RNF2: variants seen among roughly 807,000 people sequenced by gnomAD.
RNF2 encodes E3 ubiquitin-protein ligase RING2.
RNF2 carries 6 observed loss-of-function variants against 37.2 expected under a neutral mutation model. The observed-to-expected ratio is 0.16, with a 90% CI of 0.09 to 0.32. The LOEUF is 0.32. Among genes scored for constraint, RNF2 ranks in the 10% least tolerant of loss-of-function variants. The pLI, the probability that RNF2 is intolerant of heterozygous loss-of-function variation, is 1.00. For missense variants in RNF2, 251 were observed against 404.0 expected, an observed-to-expected ratio of 0.62 and a Z score of 3.25; for synonymous variants, 133 against 132.7, an observed-to-expected ratio of 1.00 and a Z score of -0.02.
intron 2 of RNF2, 74 bp downstream of exon 2, chr1:185,087,714 T>TA: frequency 9.6e-7 from 1 of 1,045,980 alleles, no homozygotes; most frequent in Non-Finnish European, 1.5e-6. Flanking sequence ...CATGAAAACT[T>TA]AAATAGAACA....
In RNF2 at chr1:185,076,268, G is replaced by GTTT. The variant is rs71101959; in HGVS notation, c.-2-11246_-2-11244dup. On this transcript the variant is annotated intron_variant, in intron 1 of 6. Coordinates refer to ENST00000367510, the MANE Select transcript of RNF2 (RefSeq NM_007212.4). ...TTTTCTTCTAGATCTTTTATGGGTT[G>GTTT]TTTTTTTTTTTTTTTTTTTTTTTTT... Among the ~76,000 whole-genome samples the GTTT allele has an allele frequency of 1.1e-3, 30 of 27,340 alleles. 8 individuals are homozygous for GTTT. The highest frequency in any genetic ancestry group is 1.7e-3 in the Non-Finnish European group (23 of 13,182). The allele number at this position is 27,340 out of a possible 152,430, so 17.9% of individuals were successfully genotyped here.
chr1:185,088,694 G>C (rs1219363444), intron 2 of RNF2, among the ~76,000 whole-genome samples: 3 of 152,186 alleles, frequency 2.0e-5, no homozygotes, highest in African/African-American at 4.8e-5. Flanking sequence ...CACATACATG[G>C]GGTTCTGCAT....
At chr1:185,074,602 A>G (rs1651088647) in intron 1 of RNF2, among the ~76,000 whole-genome samples, 2 of 152,054 alleles carry the variant, frequency 1.3e-5, no homozygotes, top group Admixed American at 6.5e-5. Context: ...AAGACCAAAT[A>G]CAAAGAAAAA....
chr1:185,053,699 G>A (rs1650338052), intron 1 of RNF2, among the ~76,000 whole-genome samples: 1 of 152,036 alleles, frequency 6.6e-6, no homozygotes, highest in African/African-American at 2.4e-5. Flanking sequence ...TTACTAGAAG[G>A]CAGGGATTTT....
At chr1:185,077,625 G>GTTTTTTTTTTTGTTT (rs1651209750) in intron 1 of RNF2, among the ~76,000 whole-genome samples, 3 of 115,696 alleles carry the variant, frequency 2.6e-5, no homozygotes, top group African/African-American at 9.8e-5. Context: ...AATTAACTTT[G>GTTTTTTTTTTTGTTT]TTTTTTTTTT....
chr1:185,046,343 G>C (rs1353863057), intron 1 of RNF2: 1 of 152,384 alleles, frequency 6.6e-6, no homozygotes, highest in Non-Finnish European at 1.5e-5. Context: ...GTCTTGGTTA[G>C]TTTCTGCGGG....
chr1:185,077,162 C>A (rs575670728), intron 1 of RNF2, among the ~76,000 whole-genome samples: 27 of 152,022 alleles, frequency 1.8e-4, no homozygotes, highest in Non-Finnish European at 2.8e-4. Flanking sequence ...TATCTTCATT[C>A]CACCATGTTA....
At chr1:185,080,025 A>G (rs1239458710) in intron 1 of RNF2, among the ~76,000 whole-genome samples, 8 of 152,218 alleles carry the variant, frequency 5.3e-5, no homozygotes, top group Non-Finnish European at 1.2e-4. Context: ...TTGTGTTGAC[A>G]AGGATCTTTA....
chr1:185,082,155 G>A (rs1188335987), intron 1 of RNF2, among the ~76,000 whole-genome samples: 2 of 151,942 alleles, frequency 1.3e-5, no homozygotes, highest in Non-Finnish European at 1.5e-5. Context: ...CCCACTTATC[G>A]AGCTTTTTCA....
intron 4 of RNF2, among the ~76,000 whole-genome samples, chr1:185,096,527 A>G (rs983383111): frequency 8.6e-5 from 13 of 151,280 alleles, no homozygotes; most frequent in African/African-American, 2.9e-4. Context: ...GATACCTCAC[A>G]TAAGTGAAAT....
chr1:185,073,235 T>G (rs1651041797), intron 1 of RNF2, among the ~76,000 whole-genome samples: 1 of 152,206 alleles, frequency 6.6e-6, no homozygotes, highest in Admixed American at 6.5e-5. Context: ...ACCATTCTTA[T>G]GCATATGCTT....
chr1:185,064,271 TGGATA>T (rs951391603), intron 1 of RNF2, among the ~76,000 whole-genome samples: 11 of 152,244 alleles, frequency 7.2e-5, no homozygotes. Flanking sequence ...GAATGTAGGT[TGGATA>T]GGATAGGATA....
At chr1:185,056,386 C>T (rs2102155728) in intron 1 of RNF2, among the ~76,000 whole-genome samples, 1 of 150,476 alleles carries the variant, frequency 6.6e-6, no homozygotes, top group African/African-American at 2.4e-5. Flanking sequence ...AGAGACAGGG[C>T]CTCCCTCTGC....
intron 1 of RNF2, among the ~76,000 whole-genome samples, chr1:185,085,481 C>G (rs1014717496): frequency 6.6e-6 from 1 of 151,980 alleles, no homozygotes; most frequent in African/African-American, 2.4e-5. Flanking sequence ...ATTTAGTGCT[C>G]TCTCTAATTC....
chr1:185,092,521 T>C (rs1651799115), intron 3 of RNF2, among the ~76,000 whole-genome samples: 1 of 152,200 alleles, frequency 6.6e-6, no homozygotes, highest in Non-Finnish European at 1.5e-5. Flanking sequence ...TAGAAATCTT[T>C]CTAAAGCCTA....
intron 1 of RNF2, among the ~76,000 whole-genome samples, chr1:185,083,781 ATT>A (rs1258987988): frequency 6.7e-6 from 1 of 149,890 alleles, no homozygotes; most frequent in African/African-American, 2.5e-5. Context: ...AACATTTTGT[ATT>A]TTTTGTAGAG....
At chr1:185,066,422 A>G (rs1031199125) in intron 1 of RNF2, among the ~76,000 whole-genome samples, 1 of 152,168 alleles carries the variant, frequency 6.6e-6, no homozygotes, top group African/African-American at 2.4e-5. Flanking sequence ...TCGCTTGGTT[A>G]ACTTTCACTT....
chr1:185,091,489 G>A (rs1651764030), intron 2 of RNF2, 90 bp from the exon 3 acceptor site: 2 of 1,340,606 alleles, frequency 1.5e-6, no homozygotes, highest in Admixed American at 1.9e-5. Flanking sequence ...ATATATGTTT[G>A]TTTTTACCAT....
intron 1 of RNF2, among the ~76,000 whole-genome samples, chr1:185,062,862 C>T (rs1006744028): frequency 6.6e-6 from 1 of 151,286 alleles, no homozygotes; most frequent in East Asian, 1.9e-4. Context: ...CTGTTTCACT[C>T]ATGATTGAGG....
Sources: allele counts gnomAD v4.1 joint callset (sites outside exome capture counted in the v4.1 genomes callset), GRCh38; gene constraint gnomAD v4.1.1; transcripts MANE v1.5; gene names NCBI Gene and HGNC (gene_info 2026-07-23, HGNC 2026-07-21).